CNTN4: variants seen among roughly 807,000 people sequenced by gnomAD.
CNTN4 encodes the protein contactin-4.
CNTN4 carries 77 observed loss-of-function variants against 122.5 expected under a neutral mutation model. The ratio of observed to expected loss-of-function variants is 0.63; its 90% CI spans 0.52 to 0.76. The LOEUF is 0.76. CNTN4 is among the 30% of genes least tolerant of loss of function. The pLI is 0.00. For synonymous variants in CNTN4, 512 were observed against 447.0 expected (o/e 1.15, Z -1.83); for missense variants, 1,256 against 1,259.1 (o/e 1.00, Z 0.04).
intron 14 of CNTN4, among the ~76,000 whole-genome samples, chr3:3,003,505 C>T (rs750980527): frequency 9.2e-5 from 14 of 151,886 alleles, no homozygotes; most frequent in Non-Finnish European, 1.9e-4. Flanking sequence ...AGGCCACATA[C>T]TATATGATTC....
At chr3:2,400,428 C>CATATATATATATATATATATAT (rs58112641) in intron 3 of CNTN4, among the ~76,000 whole-genome samples, 10 of 95,822 alleles carry the variant, frequency 1.0e-4, no homozygotes, top group Non-Finnish European at 1.8e-4. Context: ...TATATATATA[C>CATATATATATATATATATATAT]ATATATATAT....
chr3:2,215,656 G>A (rs1487148039), intron 2 of CNTN4, among the ~76,000 whole-genome samples: 3 of 152,088 alleles, frequency 2.0e-5, no homozygotes, highest in Non-Finnish European at 2.9e-5. Flanking sequence ...GCCGAGGCAC[G>A]TGGATCATGA....
chr3:2,411,813 G>GT (rs1377160548), intron 3 of CNTN4, among the ~76,000 whole-genome samples: 10 of 151,938 alleles, frequency 6.6e-5, no homozygotes, highest in Non-Finnish European at 1.5e-4. Flanking sequence ...TCGAAGCATC[G>GT]TTTTCCCCTT....
At position 2,198,865 on chromosome 3, in the gene CNTN4, C is replaced by T. The variant is rs149172079; in HGVS notation, c.-145+98226C>T. ...ACAAAAGATACTAGTTTTATGTTCT[C>T]ATCCCATTCAGGGGCTATTCCAATA... On this transcript the variant is annotated intron_variant, in intron 2 of 24. Transcript: ENST00000418658. 2.3e-3 allele frequency among the ~76,000 whole-genome samples: 343 copies of T among 152,296 alleles called. 2 individuals are homozygous for T. The highest frequency in any genetic ancestry group is 7.6e-3 in the African/African-American group (318 of 41,576).
intron 14 of CNTN4, among the ~76,000 whole-genome samples, chr3:2,995,860 C>T (rs1383999169): frequency 1.3e-5 from 2 of 152,108 alleles, no homozygotes; most frequent in Admixed American, 1.3e-4. Context: ...CATGGCCCAG[C>T]AATTCCATTT....
intron 3 of CNTN4, among the ~76,000 whole-genome samples, chr3:2,364,121 G>A (rs1039627518): frequency 1.3e-5 from 2 of 152,082 alleles, no homozygotes; most frequent in African/African-American, 4.8e-5. Flanking sequence ...TTGGGGGTGG[G>A]CAACGTGGTA....
intron 3 of CNTN4, among the ~76,000 whole-genome samples, chr3:2,523,026 G>C (rs2077274952): frequency 6.6e-6 from 1 of 152,160 alleles, no homozygotes; most frequent in East Asian, 1.9e-4. Flanking sequence ...ATCTTTGCCT[G>C]ACATCTGAGT....
chr3:2,474,964 CT>C lies in CNTN4; in HGVS notation c.-88-96449del, dbSNP rs2075797421. Among the ~76,000 whole-genome samples, 3 of 152,190 alleles carry C rather than the reference CT, an allele frequency of 2.0e-5. No homozygotes were observed. The South Asian group carries it at 6.2e-4, about 32-fold the overall frequency. Reference sequence around the variant, plus strand: ...TTTAGACAGCTAAATTGTTTTTAATCTTTCATATTTTAAATAGCAATGCATT... The same window carrying C: ...TTTAGACAGCTAAATTGTTTTTAATCTTCATATTTTAAATAGCAATGCATT... On this transcript the variant is annotated intron_variant, in intron 3 of 24. Transcript: ENST00000418658.
intron 2 of CNTN4, among the ~76,000 whole-genome samples, chr3:2,121,496 CAAA>C (rs201166713): frequency 0.078 from 7,648 of 98,036 alleles, 346 homozygotes; most frequent in East Asian, 0.31. Flanking sequence ...GACTCCGTCT[CAAA>C]AAAAAAAAAA....
At chr3:2,269,619 A>G (rs1559396992) in intron 2 of CNTN4, among the ~76,000 whole-genome samples, 1 of 152,144 alleles carries the variant, frequency 6.6e-6, no homozygotes. Context: ...GGAGACCATG[A>G]TACAATGAGG....
chr3:2,290,823 G>T (rs2042106543), intron 2 of CNTN4, among the ~76,000 whole-genome samples: 2 of 151,738 alleles, frequency 1.3e-5, no homozygotes, highest in Admixed American at 6.6e-5. Flanking sequence ...CTGATGAGAG[G>T]AAAAAACTTA....
chr3:2,312,371 C>T (rs1034293754), intron 2 of CNTN4, among the ~76,000 whole-genome samples: 2 of 152,186 alleles, frequency 1.3e-5, no homozygotes, highest in African/African-American at 4.8e-5. Context: ...TCAAACACTG[C>T]CAACCAACAT....
chr3:2,924,561 C>G (rs2094455971), intron 12 of CNTN4, among the ~76,000 whole-genome samples: 1 of 151,994 alleles, frequency 6.6e-6, no homozygotes, highest in East Asian at 1.9e-4. Flanking sequence ...GGAAAAATGT[C>G]TTTTATTTTA....
At chr3:2,669,443 T>G (rs2084369845) in intron 4 of CNTN4, among the ~76,000 whole-genome samples, 1 of 152,262 alleles carries the variant, frequency 6.6e-6, no homozygotes, top group African/African-American at 2.4e-5. Context: ...TGATATCCCC[T>G]TTGTCATTTT....
At chr3:2,320,271 G>T (rs1425354540) in intron 2 of CNTN4, among the ~76,000 whole-genome samples, 2 of 152,100 alleles carry the variant, frequency 1.3e-5, no homozygotes, top group African/African-American at 4.8e-5. Flanking sequence ...AGTGTACTTA[G>T]ATGTGTTAAT....
intron 4 of CNTN4, among the ~76,000 whole-genome samples, chr3:2,651,722 A>C (rs1374581537): frequency 7.6e-6 from 1 of 131,358 alleles, no homozygotes; most frequent in Non-Finnish European, 1.6e-5. Flanking sequence ...TTTTTTTTTG[A>C]GACGGAGTCT....
intron 2 of CNTN4, among the ~76,000 whole-genome samples, chr3:2,210,048 T>A (rs1019295967): frequency 1.3e-5 from 2 of 152,164 alleles, no homozygotes; most frequent in Non-Finnish European, 2.9e-5. Flanking sequence ...CTACTTTCAG[T>A]GTCTTACAAA....
intron 3 of CNTN4, among the ~76,000 whole-genome samples, chr3:2,357,048 T>TC (rs1432509078): frequency 6.6e-6 from 1 of 152,186 alleles, no homozygotes; most frequent in Non-Finnish European, 1.5e-5. Flanking sequence ...CCAGTACTTC[T>TC]CAAACTTAAA....
intron 3 of CNTN4, among the ~76,000 whole-genome samples, chr3:2,518,139 A>T (rs1259648160): frequency 7.6e-6 from 1 of 131,114 alleles, no homozygotes; most frequent in African/African-American, 3.3e-5. Context: ...AAGAGATGTG[A>T]AAGGCTTTAA....
Sources: gnomAD v4.1 joint callset for allele counts (sites outside exome capture counted in the v4.1 genomes callset) on GRCh38, gnomAD v4.1.1 for gene constraint, MANE v1.5 for transcripts, NCBI Gene and HGNC (gene_info 2026-07-23, HGNC 2026-07-21) for gene names.